TBC1D21: variants seen among roughly 807,000 people sequenced by gnomAD.
TBC1D21 encodes TBC1 domain family member 21.
Under a neutral mutation model 46.0 loss-of-function variants are expected in TBC1D21, and 38 were observed. The observed-to-expected ratio is 0.83, with a 90% confidence interval of 0.64 to 1.08. The LOEUF (loss-of-function observed/expected upper bound fraction) is 1.08. Ranked by LOEUF, TBC1D21 falls within the 50% of genes least tolerant of loss-of-function variation. The pLI, the probability that TBC1D21 is intolerant of heterozygous loss-of-function variation, is 0.00. For synonymous variants in TBC1D21, 151 were observed against 157.2 expected, an observed-to-expected ratio of 0.96 and a Z score of 0.29; for missense variants, 415 against 417.9, an observed-to-expected ratio of 0.99 and a Z score of 0.06.
At chr15:73,894,844 A>T in the TBC1D21 span, among the ~76,000 whole-genome samples, 15 of 152,334 alleles carry the variant, frequency 9.8e-5, no homozygotes, top group South Asian at 1.2e-3. Flanking sequence ...GCCAAGTGCC[A>T]TCAGCCACAC....
At chr15:73,896,403 G>A in the TBC1D21 span, among the ~76,000 whole-genome samples, 5 of 151,954 alleles carry the variant, frequency 3.3e-5, no homozygotes, top group African/African-American at 1.2e-4. Flanking sequence ...TGAAGATCAA[G>A]GTGGCGGCTC....
chr15:73,898,375 G>A, the TBC1D21 span, among the ~76,000 whole-genome samples: 1 of 152,174 alleles, frequency 6.6e-6, no homozygotes, highest in South Asian at 2.1e-4. Flanking sequence ...AACATTACCT[G>A]TTTCACTGTG....
chr15:73,876,919 C>T lies in TBC1D21; in HGVS notation c.60+3150C>T, dbSNP rs369207078. On this transcript the variant is annotated intron_variant, in intron 1 of 10. Coordinates refer to ENST00000300504, the MANE Select transcript of TBC1D21 (RefSeq NM_153356.3). ...TAATTCCTTCCCACTGCCCCTCCCA[C>T]CCCCAGCATGGCATTAGGGTTAAGC... is the stretch of plus-strand genomic sequence containing the variant. Among the ~76,000 whole-genome samples the T allele has an allele frequency of 6.6e-5, 10 of 152,260 alleles. No homozygotes were observed. In the East Asian group the frequency reaches 1.9e-3, roughly 29 times the overall value.
chr15:73,905,212 T>C, the TBC1D21 span, among the ~76,000 whole-genome samples: 1 of 152,362 alleles, frequency 6.6e-6, no homozygotes, highest in African/African-American at 2.4e-5. Flanking sequence ...ATGTGAATGT[T>C]TGATTGCTTC....
intron 6 of TBC1D21, 104 bp downstream of exon 6, chr15:73,885,207 T>C: frequency 9.2e-7 from 1 of 1,085,794 alleles, no homozygotes. Context: ...AGCCATTCCT[T>C]CCAGGCTTCT....
the TBC1D21 span, among the ~76,000 whole-genome samples, chr15:73,894,426 G>A: frequency 0.018 from 2,678 of 152,330 alleles, 75 homozygotes; most frequent in African/African-American, 0.061. Context: ...CTATGCCTTC[G>A]ATTACCCCAG....
Position 73,888,484 on chromosome 15 carries a change from G to T in TBC1D21, c.949G>T (p.Val317Leu). ...DADELISAAC[V>L]VYAELIQKDV... ...TGATGAGCTGATCTCTGCCGCCTGC[G>T]TGGTTTATGCTGAGCTCATCCAGAA... Residue 317 changes from valine (V) to leucine (L), a missense_variant, in exon 10 of 11, where the codon GTG (valine) becomes TTG (leucine). Coordinates refer to ENST00000300504, the MANE Select transcript of TBC1D21 (RefSeq NM_153356.3). 6.2e-7 allele frequency: 1 copy of T among 1,614,094 alleles called. No individual in the cohort carries two copies. The highest frequency in any genetic ancestry group is 8.5e-7 in the Non-Finnish European group (1 of 1,180,000).
chr15:73,887,914 G>C (rs2068280281), intron 9 of TBC1D21, among the ~76,000 whole-genome samples, 178 bp downstream of exon 9: 1 of 152,224 alleles, frequency 6.6e-6, no homozygotes, highest in Non-Finnish European at 1.5e-5. Flanking sequence ...GCTTTTAATA[G>C]AGCTTGTTTA....
At chr15:73,895,369 T>C in the TBC1D21 span, among the ~76,000 whole-genome samples, 1 of 152,136 alleles carries the variant, frequency 6.6e-6, no homozygotes, top group Non-Finnish European at 1.5e-5. Flanking sequence ...CTCCTGTTAC[T>C]CTCCTTCCTG....
At chr15:73,909,551 G>A in the TBC1D21 span, among the ~76,000 whole-genome samples, 1 of 152,110 alleles carries the variant, frequency 6.6e-6, no homozygotes, top group Non-Finnish European at 1.5e-5. Flanking sequence ...GAGGGAAGGT[G>A]GGATCATCAG....
At chr15:73,897,467 G>C in the TBC1D21 span, among the ~76,000 whole-genome samples, 1 of 152,242 alleles carries the variant, frequency 6.6e-6, no homozygotes. Context: ...AGCCACAGGA[G>C]AGAGGACCTC....
Position 73,885,070 on chromosome 15 carries a change from C to G in TBC1D21, c.546C>G (p.Thr182=). 6.2e-7 allele frequency: 1 copy of G among 1,613,524 alleles called. No homozygotes were observed. The highest frequency in any genetic ancestry group is 2.2e-5 in the East Asian group (1 of 44,870). ...FQLMVEHDHE[T]FWLFQFFLQK... ...TGATGGTGGAGCACGACCACGAGAC[C>G]TTCTGGCTTTTCCAGTTCTTCCTGC... Residue 182 remains threonine, a synonymous_variant, in exon 6 of 11, where the codon ACC becomes ACG. Transcript: ENST00000300504.
chr15:73,909,732 G>A, the TBC1D21 span: 3 of 152,072 alleles, frequency 2.0e-5, no homozygotes, highest in East Asian at 1.9e-4. Context: ...CAAGGACACC[G>A]AGACTCACTT....
intron 7 of TBC1D21, 118 bp from the exon 8 acceptor site, chr15:73,886,394 G>A: frequency 2.0e-6 from 2 of 1,003,144 alleles, no homozygotes; most frequent in Non-Finnish European, 3.0e-6. Context: ...AAAAGGGGCG[G>A]CAGGCTTTTT....
At chr15:73,886,380 C>A in intron 7 of TBC1D21, 132 bp from the exon 8 acceptor site, 1 of 925,240 alleles carries the variant, frequency 1.1e-6, no homozygotes, top group Admixed American at 2.1e-5. Flanking sequence ...CCCAGGGCAG[C>A]TGGAAAAGGG....
chr15:73,908,768 A>G, the TBC1D21 span, among the ~76,000 whole-genome samples: 3 of 152,218 alleles, frequency 2.0e-5, no homozygotes, highest in Admixed American at 2.0e-4. Context: ...TGGTGGTGTG[A>G]AGGGCACAGG....
chr15:73,896,937 TGGGGTA>T, the TBC1D21 span, among the ~76,000 whole-genome samples: 1 of 152,172 alleles, frequency 6.6e-6, no homozygotes, highest in South Asian at 2.1e-4. Context: ...CATATGTGTG[TGGGGTA>T]GGGGTGATGT....
rs576718488 is a variant in TBC1D21, at chr15:73,886,257, A to T, written c.676+83A>T. The T allele has an allele frequency of 5.0e-5, 62 of 1,249,972 alleles. No individual in the cohort carries two copies. In the Admixed American group the frequency reaches 1.0e-3, roughly 21 times the overall value. 77.4% of individuals were successfully genotyped at this position (1,249,972 alleles called of 1,614,324 possible). ...GGGACCCAACTGTCAGTCCCTAATCATGGGGGGGCTGGAGAGCAGCAGAAT... is the reference window on the plus strand; with the variant it reads ...GGGACCCAACTGTCAGTCCCTAATCTTGGGGGGGCTGGAGAGCAGCAGAAT... On this transcript the variant is annotated intron_variant, in intron 7 of 10. Transcript: ENST00000300504.
At chr15:73,890,396 A>G (rs988854468), downstream of TBC1D21, among the ~76,000 whole-genome samples, 15 of 152,222 alleles carry the variant, frequency 9.9e-5, no homozygotes, top group African/African-American at 3.6e-4. Context: ...GCATGGCTAA[A>G]GAGCTCATGT....
Sources: allele counts gnomAD v4.1 joint callset (sites outside exome capture counted in the v4.1 genomes callset), GRCh38; gene constraint gnomAD v4.1.1; transcripts MANE v1.5; gene names NCBI Gene and HGNC (gene_info 2026-07-23, HGNC 2026-07-21).